Variants in HBS1L observed in about 807,000 individuals in gnomAD.
The protein encoded by HBS1L is HBS1 like translational GTPase.
A neutral mutation model predicts 88.9 loss-of-function variants in HBS1L; 55 were observed. That is an observed-to-expected ratio of 0.62 (90% CI 0.50 to 0.77). The LOEUF is 0.77. HBS1L is among the 30% of genes least tolerant of loss of function. HBS1L has a pLI of 0.00. For missense variants in HBS1L, 741 were observed against 829.3 expected (o/e 0.89, Z 1.31); for synonymous variants, 267 against 288.5 (o/e 0.93, Z 0.76).
At position 134,969,293 on chromosome 6, in the gene HBS1L, G is replaced by A. The variant is rs1774414022; in HGVS notation, c.1843C>T (p.Arg615Ter). The A allele has an allele frequency of 1.9e-6, 3 of 1,613,684 alleles. No homozygotes were observed. Among genetic ancestry groups the A allele is most frequent in the Middle Eastern group, 1.7e-4 (1 of 6,038 alleles). The change falls in exon 16 of 18, where the codon CGA becomes TGA. Residue 615 changes from arginine (R) to a stop codon, truncating the protein, a stop_gained. Transcript: ENST00000367837. LOFTEE classifies it high-confidence loss of function. ...QTVSEPAVIKRLISVLNKSTG... is the reference protein window; with the variant it reads ...QTVSEPAVIK ...CTTTTGTTTAAGACACTAATCAATC[G>A]TTTAATAACGGCGGGTTCACTGACA... is the stretch of plus-strand genomic sequence containing the variant.
chr6:135,024,212 G>A (rs554247355), intron 4 of HBS1L, among the ~76,000 whole-genome samples: 10 of 152,084 alleles, frequency 6.6e-5, no homozygotes, highest in Admixed American at 3.9e-4. Context: ...AGGCCGAGGC[G>A]GGCGGATCAC....
chr6:135,030,787 G>A (rs1025276729), intron 4 of HBS1L, among the ~76,000 whole-genome samples: 1 of 152,124 alleles, frequency 6.6e-6, no homozygotes, highest in Non-Finnish European at 1.5e-5. Context: ...GCCAAAAAAT[G>A]TACAGTTGAT....
intron 4 of HBS1L, chr6:135,036,105 A>G (rs1776539959): frequency 4.6e-6 from 3 of 657,942 alleles, no homozygotes; most frequent in African/African-American, 2.0e-5. Flanking sequence ...ACTAGGAATT[A>G]TATCATATTT....
chr6:135,039,289 G>C (rs1374331553), intron 4 of HBS1L, among the ~76,000 whole-genome samples: 1 of 152,082 alleles, frequency 6.6e-6, no homozygotes, highest in Non-Finnish European at 1.5e-5. Flanking sequence ...CTGCACTCCA[G>C]CCTGGGTGAC....
intron 10 of HBS1L, among the ~76,000 whole-genome samples, chr6:134,986,519 T>C (rs1489796042): frequency 1.3e-5 from 2 of 151,976 alleles, no homozygotes. Context: ...GGTAAAAAAG[T>C]ATTTTGCTTA....
chr6:134,993,358 C>T (rs1403319334), intron 8 of HBS1L, among the ~76,000 whole-genome samples: 2 of 152,028 alleles, frequency 1.3e-5, no homozygotes, highest in Non-Finnish European at 2.9e-5. Context: ...CGAAAATACC[C>T]AAGCTTCATT....
At chr6:134,988,454 A>C (rs896214336) in intron 8 of HBS1L, among the ~76,000 whole-genome samples, 9 of 151,966 alleles carry the variant, frequency 5.9e-5, no homozygotes, top group African/African-American at 1.9e-4. Flanking sequence ...CAAAAAAAAA[A>C]AACATAAAAA....
At chr6:134,987,504 A>T in intron 9 of HBS1L, 141 bp downstream of exon 9, 1 of 526,166 alleles carries the variant, frequency 1.9e-6, no homozygotes, top group Non-Finnish European at 3.1e-6. Flanking sequence ...TCATTTATTT[A>T]AGATGAGAAC....
chr6:135,045,399 C>A (rs1425285039), intron 2 of HBS1L, among the ~76,000 whole-genome samples: 1 of 152,176 alleles, frequency 6.6e-6, no homozygotes, highest in Non-Finnish European at 1.5e-5. Flanking sequence ...AAACCTAACA[C>A]CTGAAACTTC....
intron 15 of HBS1L, among the ~76,000 whole-genome samples, chr6:134,976,757 T>C (rs75760749): frequency 1.3e-5 from 2 of 151,814 alleles, no homozygotes; most frequent in Non-Finnish European, 2.9e-5. Context: ...CAGTAGCGGG[T>C]AGGGCTTGAA....
chr6:134,979,846 A>G (rs1185959963), intron 13 of HBS1L, among the ~76,000 whole-genome samples: 4 of 152,178 alleles, frequency 2.6e-5, no homozygotes, highest in African/African-American at 9.6e-5. Flanking sequence ...AGAGATCTGC[A>G]TACTAATGAC....
chr6:135,033,260 T>C (rs1389269000), intron 4 of HBS1L, among the ~76,000 whole-genome samples: 20 of 152,122 alleles, frequency 1.3e-4, no homozygotes, highest in Non-Finnish European at 2.6e-4. Context: ...GAAAATAAAG[T>C]CAACTAAAAC....
At chr6:134,984,299 T>C (rs1276835517) in intron 12 of HBS1L, among the ~76,000 whole-genome samples, 1 of 152,210 alleles carries the variant, frequency 6.6e-6, no homozygotes, top group Non-Finnish European at 1.5e-5. Flanking sequence ...TCATTCATTT[T>C]TTTATTCATG....
At chr6:134,996,283 A>G (rs1408320869) in intron 7 of HBS1L, among the ~76,000 whole-genome samples, 1 of 152,186 alleles carries the variant, frequency 6.6e-6, no homozygotes, top group Non-Finnish European at 1.5e-5. Context: ...TTGTTTGCAG[A>G]CTGTCTCATA....
chr6:135,014,018 G>A (rs1037915019), intron 4 of HBS1L, among the ~76,000 whole-genome samples: 6 of 152,044 alleles, frequency 3.9e-5, no homozygotes, highest in Non-Finnish European at 7.4e-5. Context: ...ATGGAGGGGG[G>A]TACCAGAGCC....
intron 4 of HBS1L, among the ~76,000 whole-genome samples, 177 bp downstream of exon 4, chr6:135,039,396 A>C (rs991725838): frequency 6.6e-6 from 1 of 152,170 alleles, no homozygotes; most frequent in Admixed American, 6.5e-5. Flanking sequence ...GAAGAAACAC[A>C]GTCATCATCC....
intron 6 of HBS1L, among the ~76,000 whole-genome samples, chr6:134,997,158 AC>A (rs1361799205): frequency 6.6e-6 from 1 of 152,230 alleles, no homozygotes; most frequent in African/African-American, 2.4e-5. Context: ...AAAATTGTCA[AC>A]AAGACACGCC....
chr6:135,031,191 G>A (rs1043762222), intron 4 of HBS1L, among the ~76,000 whole-genome samples: 3 of 151,956 alleles, frequency 2.0e-5, no homozygotes, highest in Admixed American at 6.6e-5. Context: ...CCATGAGTTC[G>A]GTGTTAATGA....
intron 4 of HBS1L, among the ~76,000 whole-genome samples, chr6:135,009,344 G>A (rs1433079660): frequency 1.3e-5 from 2 of 152,124 alleles, no homozygotes; most frequent in Non-Finnish European, 2.9e-5. Flanking sequence ...GAGGCAATAA[G>A]CAAGAGAAAT....
Sources: gnomAD v4.1 joint callset for allele counts (sites outside exome capture counted in the v4.1 genomes callset) on GRCh38, gnomAD v4.1.1 for gene constraint, MANE v1.5 for transcripts, NCBI Gene and HGNC (gene_info 2026-07-23, HGNC 2026-07-21) for gene names.